The following MCPH1 variants were observed in gnomAD, a reference collection of about 807,000 sequenced individuals.
The protein encoded by MCPH1 is microcephalin.
MCPH1 carries 104 observed loss-of-function variants against 84.5 expected under a neutral mutation model. That is an observed-to-expected ratio of 1.23 (90% CI 1.05 to 1.45). The LOEUF is 1.45. Ranked by LOEUF, MCPH1 falls within the 40% of genes most tolerant of loss-of-function variation. The pLI, the probability that MCPH1 is intolerant of heterozygous loss-of-function variation, is 0.00. For missense variants in MCPH1, 1,498 were observed against 1,005.7 expected (o/e 1.49, Z -6.62); for synonymous variants, 514 against 366.8 (o/e 1.40, Z -4.58).
intron 3 of MCPH1, among the ~76,000 whole-genome samples, chr8:6,418,484 G>A (rs1027755561): frequency 5.9e-5 from 9 of 152,134 alleles, no homozygotes; most frequent in Non-Finnish European, 1.5e-5. Context: ...AACAGAAATG[G>A]AACTTAGTAT....
intron 5 of MCPH1, among the ~76,000 whole-genome samples, chr8:6,437,222 T>G (rs987156503): frequency 1.3e-5 from 2 of 152,096 alleles, no homozygotes; most frequent in Non-Finnish European, 2.9e-5. Flanking sequence ...CAAATAGAAT[T>G]GTCGAGATTT....
At chr8:6,508,144 A>T (rs1206838860) in intron 12 of MCPH1, 3 of 152,200 alleles carry the variant, frequency 2.0e-5, no homozygotes, top group African/African-American at 7.2e-5. Context: ...ATATTAATGG[A>T]ATCTTTTTTA....
At chr8:6,449,155 C>T (rs926207652) in intron 8 of MCPH1, among the ~76,000 whole-genome samples, 3 of 152,150 alleles carry the variant, frequency 2.0e-5, no homozygotes, top group East Asian at 1.9e-4. Flanking sequence ...ACTGCTGATT[C>T]GATGTCAGTC....
chr8:6,597,623 G>A (rs536776521), intron 12 of MCPH1, among the ~76,000 whole-genome samples: 161 of 152,242 alleles, frequency 1.1e-3, no homozygotes, highest in African/African-American at 1.3e-3. Flanking sequence ...ACGACAACCC[G>A]GAACACGGAG....
At chr8:6,488,666 G>A (rs1810223990) in intron 11 of MCPH1, among the ~76,000 whole-genome samples, 1 of 152,202 alleles carries the variant, frequency 6.6e-6, no homozygotes, top group African/African-American at 2.4e-5. Context: ...CACCGGGAGT[G>A]AGGAGGACAG....
chr8:6,454,642 G>A lies in MCPH1; in HGVS notation c.1826-501G>A, dbSNP rs111228525. Among the ~76,000 whole-genome samples the A allele has an allele frequency of 8.6e-4, 131 of 152,280 alleles. 1 individual carries two copies. Among genetic ancestry groups the A allele is most frequent in the African/African-American group, 3.0e-3 (126 of 41,552 alleles). ...GGTTTGTGTGTCTTCATGGCAAGAC[G>A]CTGGTCTAAGGTGGAAACTTGGGGG... On this transcript the variant is annotated intron_variant, in intron 8 of 13. Coordinates refer to ENST00000344683, the MANE Select transcript of MCPH1 (RefSeq NM_024596.5).
intron 13 of MCPH1, chr8:6,625,343 G>A (rs993639107): frequency 6.3e-5 from 62 of 985,356 alleles, no homozygotes; most frequent in Middle Eastern, 5.2e-4. Flanking sequence ...ATCCATGGAT[G>A]TGTCCTCATC....
intron 11 of MCPH1, among the ~76,000 whole-genome samples, chr8:6,493,937 T>C (rs970280735): frequency 5.0e-5 from 3 of 60,148 alleles, no homozygotes; most frequent in Non-Finnish European, 1.9e-4. Context: ...TTGGAAATAG[T>C]AAATTTTTTT....
At chr8:6,492,000 G>T (rs1810650918) in intron 11 of MCPH1, among the ~76,000 whole-genome samples, 1 of 152,214 alleles carries the variant, frequency 6.6e-6, no homozygotes, top group African/African-American at 2.4e-5. Context: ...CCAGTAATGG[G>T]ATGGCTGGAT....
intron 12 of MCPH1, among the ~76,000 whole-genome samples, chr8:6,588,436 G>T (rs746254334): frequency 1.3e-5 from 2 of 152,058 alleles, no homozygotes; most frequent in African/African-American, 2.4e-5. Context: ...TGATTGCGAG[G>T]AATATTTGCC....
intron 13 of MCPH1, among the ~76,000 whole-genome samples, chr8:6,630,394 T>C (rs1450732022): frequency 6.6e-6 from 1 of 152,090 alleles, no homozygotes. Context: ...TGAAAACAGG[T>C]AAGATGGATG....
intron 12 of MCPH1, among the ~76,000 whole-genome samples, chr8:6,610,491 C>T (rs1444257021): frequency 6.6e-6 from 1 of 152,174 alleles, no homozygotes; most frequent in Admixed American, 6.5e-5. Context: ...CTTTCTAGTT[C>T]GACTCTTAGC....
chr8:6,563,726 T>C (rs1825880404), intron 12 of MCPH1, among the ~76,000 whole-genome samples: 1 of 152,102 alleles, frequency 6.6e-6, no homozygotes, highest in Non-Finnish European at 1.5e-5. Context: ...GAGGGAAAAA[T>C]AGATTCATTG....
intron 12 of MCPH1, among the ~76,000 whole-genome samples, chr8:6,610,824 C>G (rs114149294): frequency 0.018 from 2,719 of 151,606 alleles, 84 homozygotes; most frequent in African/African-American, 0.064. Flanking sequence ...ACATAAGACG[C>G]TGATTTTTCT....
rs998218905 is a variant in MCPH1 at position 6,527,638 on chromosome 8, C to T, written c.2214+27709C>T. ...ATTTGTTTGTCGAGAGGGAGTGTTCCAAGAGCTGAAGTTCAAGTCTCGTGG... is the reference window on the plus strand; with the variant it reads ...ATTTGTTTGTCGAGAGGGAGTGTTCTAAGAGCTGAAGTTCAAGTCTCGTGG... On this transcript the variant is annotated intron_variant, in intron 12 of 13. Coordinates refer to ENST00000344683, the MANE Select transcript of MCPH1 (RefSeq NM_024596.5). 4 of 1,613,874 alleles carry T rather than the reference C, an allele frequency of 2.5e-6. No individual in the cohort carries two copies. The South Asian group carries it at 3.3e-5, about 13-fold the overall frequency.
chr8:6,623,718 A>AG, intron 13 of MCPH1, among the ~76,000 whole-genome samples: 1 of 5,606 alleles, frequency 1.8e-4, no homozygotes, highest in Admixed American at 1.6e-3. Flanking sequence ...AAAAAAAAAA[A>AG]CTATTGATTT....
chr8:6,498,728 C>G (rs926569685), intron 11 of MCPH1, among the ~76,000 whole-genome samples: 1 of 152,062 alleles, frequency 6.6e-6, no homozygotes, highest in Non-Finnish European at 1.5e-5. Context: ...TTGATTTTAA[C>G]CTTTTATTTT....
Position 6,625,162 on chromosome 8 carries a change from A to T in MCPH1, c.2452+3471A>T, listed in dbSNP as rs551020485. The T allele has an allele frequency of 5.1e-6, 5 of 984,966 alleles. No individual in the cohort carries two copies. The East Asian group carries it at 4.5e-4, about 89-fold the overall frequency. 61.0% of individuals were successfully genotyped at this position (984,966 alleles called of 1,614,324 possible). ...AGTGCTGGGATTACAGGCGTGAGCC[A>T]CCGTGCCTGGCCGAAATCACCTATT... On this transcript the variant is annotated intron_variant, in intron 13 of 13. Coordinates refer to ENST00000344683, the MANE Select transcript of MCPH1 (RefSeq NM_024596.5).
At chr8:6,562,626 A>T in intron 12 of MCPH1, 1 of 1,405,616 alleles carries the variant, frequency 7.1e-7, no homozygotes, top group East Asian at 2.9e-5. Context: ...GTTCACAAAG[A>T]CAGATGGATT....
Sources: allele counts gnomAD v4.1 joint callset (sites outside exome capture counted in the v4.1 genomes callset), GRCh38; gene constraint gnomAD v4.1.1; transcripts MANE v1.5; gene names NCBI Gene and HGNC (gene_info 2026-07-23, HGNC 2026-07-21).